RPS7: variants seen among roughly 807,000 people sequenced by gnomAD.
RPS7 encodes the protein small ribosomal subunit protein eS7.
In RPS7, 1 loss-of-function variant was observed where a neutral mutation model predicts 22.1. The observed-to-expected ratio is 0.05, with a 90% CI of 0.02 to 0.21. The LOEUF (loss-of-function observed/expected upper bound fraction) is 0.21. Ranked by LOEUF, RPS7 falls within the 10% of genes least tolerant of loss-of-function variation. RPS7 has a pLI of 1.00. For synonymous variants in RPS7, 80 were observed against 92.0 expected, an observed-to-expected ratio of 0.87 and a Z score of 0.74; for missense variants, 137 against 246.4, an observed-to-expected ratio of 0.56 and a Z score of 2.97.
chr2:3,577,818 T>A lies in RPS7; in HGVS notation c.356+44T>A, dbSNP rs750595791. On this transcript the variant is annotated intron_variant, in intron 5 of 6. Coordinates refer to ENST00000645674, the MANE Select transcript of RPS7 (RefSeq NM_001011.4). ...TCAGAAATGTGTGTACCCCTCTTAT[T>A]AACAACTCTTAATTTGTTTAAGTTG... 3 of 1,218,022 alleles carry A rather than the reference T, an allele frequency of 2.5e-6. No homozygotes were observed. The South Asian group carries it at 3.7e-5, about 15-fold the overall frequency. 75.5% of individuals were successfully genotyped at this position (1,218,022 alleles called of 1,614,324 possible).
intron 5 of RPS7, chr2:3,579,026 GGT>G (rs2147821705): frequency 6.6e-6 from 1 of 152,246 alleles, no homozygotes; most frequent in African/African-American, 2.4e-5. Flanking sequence ...ATCTAACTCA[GGT>G]TAAATGCTGA....
At position 3,575,696 on chromosome 2, in the gene RPS7, T is replaced by C; in HGVS notation, c.75+12T>C. Reference sequence around the variant, plus strand: ...CCGGCATCTCCCAGGTGAGAGGGTTTCCCTGGGGTCTGGGGTGGGGGGAGG... The same window carrying C: ...CCGGCATCTCCCAGGTGAGAGGGTTCCCCTGGGGTCTGGGGTGGGGGGAGG... On this transcript the variant is annotated intron_variant, in intron 2 of 6. Transcript: ENST00000645674. 6.5e-7 allele frequency: 1 copy of C among 1,527,078 alleles called. No homozygotes were observed. The highest frequency in any genetic ancestry group is 9.1e-7 in the Non-Finnish European group (1 of 1,104,388). The allele number at this position is 1,527,078 out of a possible 1,614,324, so 94.6% of individuals were successfully genotyped here. A position where few individuals can be genotyped will look rare whatever the true frequency, so the allele number is the denominator to read the frequency against.
chr2:3,578,013 C>T, intron 5 of RPS7: 1 of 553,314 alleles, frequency 1.8e-6, no homozygotes, highest in Non-Finnish European at 3.2e-6. Context: ...ATGATTTCCT[C>T]CGATTATTTG....
At chr2:3,576,073 C>T (rs1661271718) in intron 3 of RPS7, 185 bp downstream of exon 3, 17 of 651,378 alleles carry the variant, frequency 2.6e-5, no homozygotes, top group Middle Eastern at 8.2e-4. Context: ...GTTGCAGGTA[C>T]CCTGCGGCTT....
chr2:3,575,714 G>A (rs1289149502), intron 2 of RPS7, 30 bp downstream of exon 2: 2 of 1,604,990 alleles, frequency 1.2e-6, no homozygotes, highest in Non-Finnish European at 1.7e-6. Flanking sequence ...GTCTGGGGTG[G>A]GGGGAGGCGC....
intron 3 of RPS7, 147 bp from the exon 4 acceptor site, chr2:3,576,340 A>T: frequency 1.3e-6 from 1 of 777,244 alleles, no homozygotes. Context: ...AACATTTCCG[A>T]AGGATGCATT....
At chr2:3,576,406 A>C in intron 3 of RPS7, 81 bp from the exon 4 acceptor site, 1 of 1,222,880 alleles carries the variant, frequency 8.2e-7, no homozygotes, top group South Asian at 1.2e-5. Flanking sequence ...GTTAGTGATA[A>C]GGTCTTCTTA....
chr2:3,580,024 T>C, intron 5 of RPS7, 86 bp from the exon 6 acceptor site: 1 of 1,274,262 alleles, frequency 7.8e-7, no homozygotes, highest in Non-Finnish European at 1.1e-6. Context: ...GATTTGCATT[T>C]TCATTTTGAC....
rs1178874237 is a variant in RPS7 at position 3,580,879 on chromosome 2, G to A, written c.582G>A (p.Leu194=). ...ATTTTGAATTCCCAGAGTTTCAATTGTAAACAAAAATGACTAAATAAAAAG... is the reference window on the plus strand; with the variant it reads ...ATTTTGAATTCCCAGAGTTTCAATTATAAACAAAAATGACTAAATAAAAAG... The part of the protein sequence containing the change: ...DVNFEFPEFQ[L] Residue 194 remains leucine (L), a synonymous_variant, in exon 7 of 7, where the codon TTG becomes TTA. Coordinates refer to ENST00000645674, the MANE Select transcript of RPS7 (RefSeq NM_001011.4). The A allele has an allele frequency of 1.3e-6, 2 of 1,507,754 alleles. No individual in the cohort carries two copies. Among genetic ancestry groups the A allele is most frequent in the East Asian group, 2.3e-5 (1 of 44,416 alleles). 93.4% of individuals were successfully genotyped at this position (1,507,754 alleles called of 1,614,324 possible).
At chr2:3,575,736 G>A in intron 2 of RPS7, 52 bp downstream of exon 2, 1 of 1,596,952 alleles carries the variant, frequency 6.3e-7, no homozygotes, top group Non-Finnish European at 8.6e-7. Flanking sequence ...CCGCCCGGGA[G>A]GGGAGGCGGC....
chr2:3,577,573 G>A (rs1661309479), intron 4 of RPS7, 137 bp from the exon 5 acceptor site: 4 of 682,576 alleles, frequency 5.9e-6, no homozygotes, highest in South Asian at 3.3e-5. Flanking sequence ...TCAATTGTTC[G>A]TCTAAGTTGT....
chr2:3,580,194 A>G lies in RPS7; in HGVS notation c.441A>G (p.Lys147=). 1 of 1,613,616 alleles carries G rather than the reference A, an allele frequency of 6.2e-7. No homozygotes were observed. Among genetic ancestry groups the G allele is most frequent in the South Asian group, 1.1e-5 (1 of 91,058 alleles). The change falls in exon 6 of 7, where the codon AAA becomes AAG. Residue 147 remains lysine (K), a synonymous_variant. Coordinates refer to ENST00000645674, the MANE Select transcript of RPS7 (RefSeq NM_001011.4). Reference sequence around the variant, plus strand: ...TTGTGGGCAAGAGAATCCGCGTCAAACTAGATGGCAGCCGGCTCATAAAGG... The same window carrying G: ...TTGTGGGCAAGAGAATCCGCGTCAAGCTAGATGGCAGCCGGCTCATAAAGG... ...SEIVGKRIRV[K]LDGSRLIKVH...
intron 4 of RPS7, chr2:3,577,453 G>T: frequency 1.9e-6 from 1 of 527,574 alleles, no homozygotes; most frequent in South Asian, 2.2e-5. Flanking sequence ...CATAGGCATG[G>T]GGAAAGGCGT....
Position 3,575,857 on chromosome 2 carries a change from A to T in RPS7, c.116A>T (p.Gln39Leu), listed in dbSNP as rs747846473. Residue 39 changes from glutamine to leucine, a missense_variant, in exon 3 of 7, where the codon CAG becomes CTG. Gln to Leu is a moderately radical substitution (Grantham distance 113). This residue lies in a region of RPS7 where 63 missense variants were observed against 75.0 expected (regional missense o/e 0.84). Coordinates refer to ENST00000645674, the MANE Select transcript of RPS7 (RefSeq NM_001011.4). Reference sequence around the variant, plus strand: ...GAGATGAACTCGGACCTCAAGGCTCAGCTCAGGGAGCTGAATATTACGGCA... The same window carrying T: ...GAGATGAACTCGGACCTCAAGGCTCTGCTCAGGGAGCTGAATATTACGGCA... ...ELEMNSDLKAQLRELNITAAK... is the reference protein window; with the variant it reads ...ELEMNSDLKALLRELNITAAK... 6.2e-7 allele frequency: 1 copy of T among 1,611,596 alleles called. No individual in the cohort carries two copies. Among genetic ancestry groups the T allele is most frequent in the Non-Finnish European group, 8.5e-7 (1 of 1,179,548 alleles).
At chr2:3,579,819 C>T (rs902017198) in intron 5 of RPS7, 6 of 513,808 alleles carry the variant, frequency 1.2e-5, no homozygotes, top group African/African-American at 1.9e-5. Context: ...TCTAATCTCA[C>T]ATTCCCTAGA....
chr2:3,575,516 CG>C, intron 1 of RPS7, 75 bp from the exon 2 acceptor site: 12 of 881,186 alleles, frequency 1.4e-5, no homozygotes, highest in Non-Finnish European at 1.8e-5. Flanking sequence ...GGGGCCTGGC[CG>C]GGGGGTGCGG....
At position 3,580,595 on chromosome 2, in the gene RPS7, CT is replaced by C. The variant is rs1311666516; in HGVS notation, c.508-209del. The C allele has an allele frequency of 2.6e-5, 16 of 622,972 alleles. No individual in the cohort carries two copies. The Admixed American group carries it at 3.9e-4, about 15-fold the overall frequency. 38.6% of individuals were successfully genotyped at this position (622,972 alleles called of 1,614,324 possible). ...CCATGTGGGTGACTGCTGGGGTCCCCTGATGGCTTCCCCGGTGCAGTGGTGT... is the reference window on the plus strand; with the variant it reads ...CCATGTGGGTGACTGCTGGGGTCCCCGATGGCTTCCCCGGTGCAGTGGTGT... On this transcript the variant is annotated intron_variant, in intron 6 of 6. Transcript: ENST00000645674.
chr2:3,579,996 T>C, intron 5 of RPS7, 114 bp from the exon 6 acceptor site: 1 of 977,324 alleles, frequency 1.0e-6, no homozygotes, highest in Non-Finnish European at 1.7e-6. Flanking sequence ...GAGTGTTAAT[T>C]TGACTTCAGG....
At chr2:3,575,746 C>G (rs1572357789) in intron 2 of RPS7, 62 bp downstream of exon 2, 1 of 1,593,138 alleles carries the variant, frequency 6.3e-7, no homozygotes, top group Non-Finnish European at 8.6e-7. Context: ...GGGGAGGCGG[C>G]CGCGCGTGTG....
Sources: allele counts gnomAD v4.1 joint callset, GRCh38; gene constraint gnomAD v4.1.1; regional missense constraint gnomAD v4.1.1; transcripts MANE v1.5; gene names NCBI Gene and HGNC (gene_info 2026-07-23, HGNC 2026-07-21).